The following VWC2L variants were observed in gnomAD, a reference collection of about 807,000 sequenced individuals.
VWC2L encodes von Willebrand factor C domain-containing protein 2-like.
Under a neutral mutation model 21.6 loss-of-function variants are expected in VWC2L, and 10 were observed. The ratio of observed to expected loss-of-function variants is 0.46; its 90% confidence interval spans 0.29 to 0.78. The LOEUF (loss-of-function observed/expected upper bound fraction) is 0.78, where lower values mean the gene tolerates loss of function less well. Among genes scored for constraint, VWC2L ranks in the 30% least tolerant of loss-of-function variants. The probability of loss-of-function intolerance (pLI) is 0.10; values close to 1 mark genes in which losing one functional copy is unlikely to be tolerated. For synonymous variants in VWC2L, 96 were observed against 94.3 expected, an observed-to-expected ratio of 1.02 and a Z score of -0.10; for missense variants, 209 against 277.1, an observed-to-expected ratio of 0.75 and a Z score of 1.74.
chr2:214,544,002 A>G (rs1357928364), intron 3 of VWC2L, among the ~76,000 whole-genome samples: 1 of 152,212 alleles, frequency 6.6e-6, no homozygotes, highest in Non-Finnish European at 1.5e-5. Flanking sequence ...TTACGATTGT[A>G]CTTGGCTATT....
intron 3 of VWC2L, among the ~76,000 whole-genome samples, chr2:214,529,040 T>G (rs948498707): frequency 3.3e-5 from 5 of 152,160 alleles, no homozygotes; most frequent in African/African-American, 1.2e-4. Flanking sequence ...TACATCACTA[T>G]TCCTTAAGTG....
In VWC2L at chr2:214,484,038, G is replaced by A. The variant is rs531068916; in HGVS notation, c.520+47280G>A. ...CTGGCAATCGCTGGCAATCTTTGGT[G>A]TTCCTTGGCTTGCAGATTCCTTGGC... On this transcript the variant is annotated intron_variant, in intron 3 of 3. Transcript: ENST00000312504. Among the ~76,000 whole-genome samples the A allele has an allele frequency of 3.3e-5, 5 of 152,272 alleles. No homozygotes were observed. The East Asian group carries it at 9.7e-4, about 29-fold the overall frequency.
intron 3 of VWC2L, among the ~76,000 whole-genome samples, chr2:214,538,590 A>C (rs1270893340): frequency 9.1e-6 from 1 of 109,514 alleles, no homozygotes; most frequent in Admixed American, 1.1e-4. Flanking sequence ...AGTTTATAGT[A>C]TAATTTTTGT....
At chr2:214,520,371 A>AT (rs910781964) in intron 3 of VWC2L, among the ~76,000 whole-genome samples, 16 of 151,584 alleles carry the variant, frequency 1.1e-4, no homozygotes, top group Middle Eastern at 3.4e-3. Flanking sequence ...TAAATATTCC[A>AT]TTTTTTTTTA....
intron 3 of VWC2L, among the ~76,000 whole-genome samples, chr2:214,539,139 T>A (rs1187995072): frequency 6.6e-6 from 1 of 152,102 alleles, no homozygotes; most frequent in Non-Finnish European, 1.5e-5. Context: ...CCACACTGCC[T>A]CTGATTTGTT....
intron 3 of VWC2L, among the ~76,000 whole-genome samples, chr2:214,560,771 A>C (rs910907372): frequency 1.3e-5 from 2 of 152,190 alleles, no homozygotes; most frequent in African/African-American, 2.4e-5. Flanking sequence ...CAAGTTTCAC[A>C]CATGTCTCCT....
At chr2:214,535,996 C>T (rs1432803042) in intron 3 of VWC2L, among the ~76,000 whole-genome samples, 1 of 152,016 alleles carries the variant, frequency 6.6e-6, no homozygotes, top group Non-Finnish European at 1.5e-5. Flanking sequence ...TTTAAATTTC[C>T]TTCCACATCT....
Position 214,446,613 on chromosome 2 carries a change from G to A in VWC2L, c.520+9855G>A, listed in dbSNP as rs182241586. ...AGAAAATGCAGAAAGGAAGGCTAAC[G>A]TGCAAAATTTTGAATGTTTTCTGTG... is the stretch of plus-strand genomic sequence containing the variant. On this transcript the variant is annotated intron_variant, in intron 3 of 3. Coordinates refer to ENST00000312504, the MANE Select transcript of VWC2L (RefSeq NM_001080500.4). Among the ~76,000 whole-genome samples the A allele has an allele frequency of 6.6e-5, 10 of 152,222 alleles. No homozygotes were observed. The East Asian group carries it at 1.7e-3, about 26-fold the overall frequency.
chr2:214,507,078 A>G (rs1198475936), intron 3 of VWC2L, among the ~76,000 whole-genome samples: 1 of 152,178 alleles, frequency 6.6e-6, no homozygotes, highest in African/African-American at 2.4e-5. Context: ...GAAGTGACAA[A>G]TACTAGAGTA....
intron 3 of VWC2L, among the ~76,000 whole-genome samples, chr2:214,453,803 C>A (rs1574572936): frequency 6.6e-6 from 1 of 151,650 alleles, no homozygotes; most frequent in Admixed American, 6.6e-5. Flanking sequence ...TCACTACAAC[C>A]TCCTCCTCCC....
intron 3 of VWC2L, among the ~76,000 whole-genome samples, chr2:214,574,102 A>T (rs924423766): frequency 3.9e-5 from 6 of 152,198 alleles, no homozygotes; most frequent in African/African-American, 1.4e-4. Flanking sequence ...AGATTGCGCC[A>T]CTGCACTCCA....
intron 3 of VWC2L, among the ~76,000 whole-genome samples, chr2:214,443,623 A>C (rs1702794717): frequency 6.6e-6 from 1 of 152,200 alleles, no homozygotes; most frequent in Non-Finnish European, 1.5e-5. Context: ...ATGAAAAAGC[A>C]AAAAGTAATG....
At chr2:214,485,176 T>G (rs1022072533) in intron 3 of VWC2L, among the ~76,000 whole-genome samples, 2 of 151,966 alleles carry the variant, frequency 1.3e-5, no homozygotes, top group African/African-American at 4.8e-5. Flanking sequence ...AAAAATTAGC[T>G]GGGCATGGTG....
At chr2:214,433,219 C>T (rs1431083317) in intron 2 of VWC2L, among the ~76,000 whole-genome samples, 2 of 142,656 alleles carry the variant, frequency 1.4e-5, no homozygotes, top group East Asian at 4.1e-4. Flanking sequence ...ATACATTTGA[C>T]CGCTAATCCT....
rs1053667609 is a variant in VWC2L, at chr2:214,540,088, C to A, written c.521-35584C>A. On this transcript the variant is annotated intron_variant, in intron 3 of 3. Coordinates refer to ENST00000312504, the MANE Select transcript of VWC2L (RefSeq NM_001080500.4). ...GTTAATATTTGTTTGGTGAGAGGCC[C>A]ATGTAAAATAGTGAATAATTTCTAA... Among the ~76,000 whole-genome samples the A allele has an allele frequency of 1.3e-5, 2 of 152,128 alleles. 1 individual carries two copies. Among genetic ancestry groups the A allele is most frequent in the Middle Eastern group, 6.8e-3 (2 of 294 alleles).
At chr2:214,482,094 C>T (rs911517939) in intron 3 of VWC2L, among the ~76,000 whole-genome samples, 4 of 151,938 alleles carry the variant, frequency 2.6e-5, no homozygotes, top group African/African-American at 7.3e-5. Context: ...CAAAAATATA[C>T]GAAAATAAAT....
At chr2:214,512,882 A>G (rs867012902) in intron 3 of VWC2L, among the ~76,000 whole-genome samples, 24 of 152,264 alleles carry the variant, frequency 1.6e-4, no homozygotes, top group Non-Finnish European at 2.6e-4. Context: ...GTATCTAAGT[A>G]AAATACGTGC....
chr2:214,498,447 T>C (rs1055782389), intron 3 of VWC2L, among the ~76,000 whole-genome samples: 1 of 152,146 alleles, frequency 6.6e-6, no homozygotes, highest in African/African-American at 2.4e-5. Context: ...TCACGGTCTC[T>C]GAAGCCTTGT....
chr2:214,545,131 A>G (rs936380976), intron 3 of VWC2L, among the ~76,000 whole-genome samples: 2 of 152,220 alleles, frequency 1.3e-5, no homozygotes, highest in Admixed American at 6.6e-5. Flanking sequence ...TATGATGCAT[A>G]TAAAACTTCG....
Sources: gnomAD v4.1 joint callset for allele counts (sites outside exome capture counted in the v4.1 genomes callset) on GRCh38, gnomAD v4.1.1 for gene constraint, MANE v1.5 for transcripts, NCBI Gene and HGNC (gene_info 2026-07-23, HGNC 2026-07-21) for gene names.